HPSE2: variants seen among roughly 807,000 people sequenced by gnomAD.
The protein encoded by HPSE2 is heparanase 2 (inactive).
HPSE2 carries 38 observed loss-of-function variants against 60.5 expected under a neutral mutation model. The ratio of observed to expected loss-of-function variants is 0.63; its 90% CI spans 0.48 to 0.82. The LOEUF (loss-of-function observed/expected upper bound fraction) is 0.82, where lower values mean the gene tolerates loss of function less well. Ranked by LOEUF, HPSE2 falls within the 40% of genes least tolerant of loss-of-function variation. HPSE2 has a pLI of 0.00. For missense variants in HPSE2, 713 were observed against 740.4 expected, an observed-to-expected ratio of 0.96 and a Z score of 0.43; for synonymous variants, 295 against 293.2, an observed-to-expected ratio of 1.01 and a Z score of -0.06.
intron 2 of HPSE2, among the ~76,000 whole-genome samples, chr10:99,226,168 T>C (rs1849465985): frequency 6.6e-6 from 1 of 151,966 alleles, no homozygotes; most frequent in Non-Finnish European, 1.5e-5. Context: ...CCTCATGCTC[T>C]CTCTCTTGAG....
chr10:99,276,929 A>C, the HPSE2 span, among the ~76,000 whole-genome samples: 1 of 152,288 alleles, frequency 6.6e-6, no homozygotes, highest in East Asian at 1.9e-4. Context: ...GCTGATTGAA[A>C]CCATTTATAC....
intron 3 of HPSE2, among the ~76,000 whole-genome samples, chr10:98,785,785 T>C (rs1272512606): frequency 1.2e-4 from 2 of 16,788 alleles, no homozygotes; most frequent in Non-Finnish European, 2.0e-4. Context: ...GGATCGGTGG[T>C]GATATCCCCT....
intron 3 of HPSE2, among the ~76,000 whole-genome samples, chr10:98,792,042 G>A (rs371406944): frequency 1.0e-3 from 152 of 152,256 alleles, no homozygotes; most frequent in African/African-American, 3.0e-3. Flanking sequence ...GAAAATATGC[G>A]CATTATTATC....
chr10:99,010,967 T>G (rs1441646548), intron 3 of HPSE2, among the ~76,000 whole-genome samples: 1 of 151,760 alleles, frequency 6.6e-6, no homozygotes, highest in African/African-American at 2.4e-5. Flanking sequence ...GTATTAAACC[T>G]AGTACCCATC....
chr10:98,881,390 T>C lies in HPSE2; in HGVS notation c.611-137334A>G, dbSNP rs1364765794. On this transcript the variant is annotated intron_variant, in intron 3 of 11. Coordinates refer to ENST00000370552, the MANE Select transcript of HPSE2 (RefSeq NM_021828.5). ...TGACAGGAAGTTGGGAGGGATGTGC[T>C]AAGTAATAAAGTCAGGATCCAAAAC... Among the ~76,000 whole-genome samples, 4 of 152,034 alleles carry C rather than the reference T, an allele frequency of 2.6e-5. 1 individual carries two copies. Among genetic ancestry groups the C allele is most frequent in the African/African-American group, 9.7e-5 (4 of 41,428 alleles).
intron 2 of HPSE2, among the ~76,000 whole-genome samples, chr10:99,205,216 A>C (rs1030995464): frequency 2.6e-5 from 4 of 152,228 alleles, no homozygotes; most frequent in African/African-American, 9.6e-5. Context: ...GTAACAAAGA[A>C]GCACGTGTAG....
At chr10:99,173,937 C>A (rs889841431) in intron 2 of HPSE2, among the ~76,000 whole-genome samples, 1 of 106,410 alleles carries the variant, frequency 9.4e-6, no homozygotes, top group African/African-American at 4.0e-5. Context: ...GAGCGAGACT[C>A]TGTCTCAAAA....
intron 3 of HPSE2, among the ~76,000 whole-genome samples, chr10:98,996,828 G>C (rs1415889835): frequency 6.6e-6 from 1 of 152,170 alleles, no homozygotes; most frequent in Admixed American, 6.5e-5. Flanking sequence ...ATAATCTATA[G>C]TGATAGAAAT....
At chr10:98,674,073 C>T (rs1163678161) in intron 6 of HPSE2, among the ~76,000 whole-genome samples, 1 of 152,180 alleles carries the variant, frequency 6.6e-6, no homozygotes, top group African/African-American at 2.4e-5. Context: ...CTGGACCACA[C>T]TTTAATACCA....
intron 4 of HPSE2, among the ~76,000 whole-genome samples, chr10:98,730,896 C>T (rs1949210748): frequency 6.6e-6 from 1 of 152,100 alleles, no homozygotes; most frequent in African/African-American, 2.4e-5. Context: ...ATAAGAAACA[C>T]CAATGCTTTA....
At chr10:98,983,975 A>G (rs1226404541) in intron 3 of HPSE2, among the ~76,000 whole-genome samples, 2 of 152,218 alleles carry the variant, frequency 1.3e-5, no homozygotes, top group Non-Finnish European at 2.9e-5. Context: ...AGGCTTGAGT[A>G]GGTAAACAAA....
intron 5 of HPSE2, among the ~76,000 whole-genome samples, chr10:98,711,785 A>C (rs1948681530): frequency 6.6e-6 from 1 of 152,134 alleles, no homozygotes; most frequent in African/African-American, 2.4e-5. Context: ...AGATAATAAA[A>C]CTTGCTTTGC....
At chr10:99,135,131 T>C (rs1845595056) in intron 3 of HPSE2, among the ~76,000 whole-genome samples, 1 of 152,142 alleles carries the variant, frequency 6.6e-6, no homozygotes, top group South Asian at 2.1e-4. Context: ...GAGCATTATG[T>C]AATGGTAAAT....
intron 4 of HPSE2, among the ~76,000 whole-genome samples, chr10:98,724,379 T>C (rs952550731): frequency 5.1e-4 from 77 of 152,328 alleles, no homozygotes; most frequent in African/African-American, 1.8e-3. Context: ...AGTGTTTTAC[T>C]TCCAAATATG....
intron 10 of HPSE2, 83 bp downstream of exon 10, chr10:98,489,968 G>T: frequency 6.6e-7 from 1 of 1,516,982 alleles, no homozygotes; most frequent in Non-Finnish European, 9.2e-7. Flanking sequence ...ATTAGTGAAT[G>T]GAGATGAGTC....
At chr10:99,245,204 G>A in the HPSE2 span, among the ~76,000 whole-genome samples, 1 of 152,060 alleles carries the variant, frequency 6.6e-6, no homozygotes, top group Admixed American at 6.6e-5. Flanking sequence ...CCTAGGTCAG[G>A]GATTCTCACC....
At chr10:98,691,530 A>T (rs1485980874) in intron 6 of HPSE2, among the ~76,000 whole-genome samples, 1 of 152,228 alleles carries the variant, frequency 6.6e-6, no homozygotes, top group East Asian at 1.9e-4. Context: ...AAAGCCATAC[A>T]TTCTTAGCCA....
At chr10:98,892,124 G>C (rs952663343) in intron 3 of HPSE2, among the ~76,000 whole-genome samples, 1 of 152,020 alleles carries the variant, frequency 6.6e-6, no homozygotes, top group Non-Finnish European at 1.5e-5. Context: ...TTGAGTATCT[G>C]GTTAGAGGTC....
the HPSE2 span, among the ~76,000 whole-genome samples, chr10:99,276,737 C>A: frequency 6.6e-6 from 1 of 152,068 alleles, no homozygotes; most frequent in African/African-American, 2.4e-5. Flanking sequence ...AATACAAAAA[C>A]AGGCAAATTC....
Sources: gnomAD v4.1 joint callset for allele counts (sites outside exome capture counted in the v4.1 genomes callset) on GRCh38, gnomAD v4.1.1 for gene constraint, MANE v1.5 for transcripts, NCBI Gene and HGNC (gene_info 2026-07-23, HGNC 2026-07-21) for gene names.